Variants in RPSA2 observed in about 807,000 individuals in gnomAD.
RPSA2 encodes ribosomal protein SA 2.
chr19:23,827,465 C>T, the RPSA2 span: 131 of 1,571,606 alleles, frequency 8.3e-5, no homozygotes, highest in African/African-American at 4.0e-4. Context: ...AATTGCTGGC[C>T]GCTTCACTCC....
At chr19:23,825,322 A>T in the RPSA2 span, among the ~76,000 whole-genome samples, 3 of 152,198 alleles carry the variant, frequency 2.0e-5, no homozygotes, top group African/African-American at 7.2e-5. Flanking sequence ...AGGGTATGCC[A>T]CCACACATTC....
the RPSA2 span, among the ~76,000 whole-genome samples, chr19:23,793,364 C>CT: frequency 8.8e-5 from 13 of 148,454 alleles, no homozygotes; most frequent in African/African-American, 3.2e-4. Flanking sequence ...GGGGTTATAT[C>CT]TTTTTTTTTT....
the RPSA2 span, among the ~76,000 whole-genome samples, chr19:23,821,878 T>C: frequency 1.3e-5 from 2 of 152,298 alleles, no homozygotes; most frequent in South Asian, 4.2e-4. Context: ...AGGTTGGCCT[T>C]TTTCCTAAGC....
chr19:23,853,701 G>A, the RPSA2 span, among the ~76,000 whole-genome samples: 1 of 152,148 alleles, frequency 6.6e-6, no homozygotes, highest in African/African-American at 2.4e-5. Context: ...GAGTTATGTG[G>A]AATATTAATT....
chr19:23,836,335 G>A, the RPSA2 span, among the ~76,000 whole-genome samples: 1 of 151,858 alleles, frequency 6.6e-6, no homozygotes, highest in Non-Finnish European at 1.5e-5. Flanking sequence ...TTAATTACTT[G>A]TTATGGCTGA....
At chr19:23,862,175 G>C in the RPSA2 span, among the ~76,000 whole-genome samples, 1 of 152,130 alleles carries the variant, frequency 6.6e-6, no homozygotes, top group African/African-American at 2.4e-5. Context: ...TTGGCTCTCT[G>C]TTTGTCTGTT....
the RPSA2 span, among the ~76,000 whole-genome samples, chr19:23,835,164 T>C: frequency 1.3e-5 from 2 of 151,770 alleles, no homozygotes; most frequent in Non-Finnish European, 2.9e-5. Flanking sequence ...TACAAACATG[T>C]AAAATCCATA....
At chr19:23,847,106 A>C in the RPSA2 span, among the ~76,000 whole-genome samples, 1 of 151,916 alleles carries the variant, frequency 6.6e-6, no homozygotes, top group Admixed American at 6.5e-5. Flanking sequence ...ACCTGTTTAA[A>C]GGTCTGAAAA....
the RPSA2 span, among the ~76,000 whole-genome samples, chr19:23,860,558 G>T: frequency 6.6e-6 from 1 of 152,078 alleles, no homozygotes; most frequent in Non-Finnish European, 1.5e-5. Flanking sequence ...TCTAGAGCCT[G>T]GTACCAGGTG....
chr19:23,831,835 T>C, the RPSA2 span: 2 of 290,082 alleles, frequency 6.9e-6, no homozygotes, highest in East Asian at 1.9e-4. Context: ...AAGTCCTTTA[T>C]AAATTTTTAA....
At chr19:23,853,956 C>G in the RPSA2 span, among the ~76,000 whole-genome samples, 1 of 152,190 alleles carries the variant, frequency 6.6e-6, no homozygotes, top group Non-Finnish European at 1.5e-5. Flanking sequence ...ACTAGGCCAT[C>G]AAACTTTTTT....
At chr19:23,845,679 A>G in the RPSA2 span, among the ~76,000 whole-genome samples, 148,856 of 152,194 alleles carry the variant, frequency 0.98, 72,890 homozygotes, top group Middle Eastern at 1. Context: ...TTTTTGTAGC[A>G]ATGCGGTTTT....
At chr19:23,864,490 C>G in the RPSA2 span, among the ~76,000 whole-genome samples, 1 of 152,122 alleles carries the variant, frequency 6.6e-6, no homozygotes, top group Non-Finnish European at 1.5e-5. Context: ...GGAAGCAACA[C>G]TATAACAGTG....
chr19:23,764,992 T>C, the RPSA2 span, among the ~76,000 whole-genome samples: 1 of 152,092 alleles, frequency 6.6e-6, no homozygotes, highest in Non-Finnish European at 1.5e-5. Flanking sequence ...TGGCCATATA[T>C]CTTGGAGTGT....
At chr19:23,832,753 TC>T in the RPSA2 span, 1 of 1,563,518 alleles carries the variant, frequency 6.4e-7, no homozygotes, top group African/African-American at 1.4e-5. Flanking sequence ...TTTTAGCCAG[TC>T]ATCAATCCTT....
the RPSA2 span, among the ~76,000 whole-genome samples, chr19:23,845,267 TG>T: frequency 2.3e-4 from 2 of 8,520 alleles, no homozygotes; most frequent in Non-Finnish European, 1.3e-3. Flanking sequence ...GGTTCTGTTC[TG>T]ATTTATGTTT....
chr19:23,788,965 A>G, the RPSA2 span, among the ~76,000 whole-genome samples: 1,068 of 150,736 alleles, frequency 7.1e-3, 14 homozygotes, highest in African/African-American at 0.025. Context: ...CACTGGGCCC[A>G]GCACCCAGAA....
chr19:23,822,716 C>T, the RPSA2 span, among the ~76,000 whole-genome samples: 2 of 152,078 alleles, frequency 1.3e-5, no homozygotes, highest in Admixed American at 1.3e-4. Flanking sequence ...CTCAGATTTG[C>T]CCCTTTAGGG....
chr19:23,835,710 C>T, the RPSA2 span, among the ~76,000 whole-genome samples: 1 of 151,982 alleles, frequency 6.6e-6, no homozygotes, highest in Admixed American at 6.6e-5. Context: ...GATCTTGGCT[C>T]ACTGTAGCCT....
Sources: allele counts gnomAD v4.1 joint callset (sites outside exome capture counted in the v4.1 genomes callset), GRCh38; gene constraint gnomAD v4.1.1; transcripts MANE v1.5; gene names NCBI Gene and HGNC (gene_info 2026-07-23, HGNC 2026-07-21).